The following ZBTB1 variants were observed in gnomAD, a reference collection of about 807,000 sequenced individuals.
ZBTB1 encodes zinc finger and BTB domain-containing protein 1.
ZBTB1 carries 13 observed loss-of-function variants against 51.6 expected under a neutral mutation model. The observed-to-expected ratio is 0.25, with a 90% confidence interval of 0.16 to 0.40. The LOEUF (loss-of-function observed/expected upper bound fraction) is 0.40, where lower values mean the gene tolerates loss of function less well. Among genes scored for constraint, ZBTB1 ranks in the 10% least tolerant of loss-of-function variants. The pLI is 1.00. For missense variants in ZBTB1, 567 were observed against 856.5 expected (o/e 0.66, Z 4.22); for synonymous variants, 240 against 282.2 (o/e 0.85, Z 1.50).
chr14:64,532,218 C>G, exon 3 of ZBTB1: 1 of 200,292 alleles, frequency 5.0e-6, no homozygotes, highest in Non-Finnish European at 1.0e-5. Context: ...TAATTATCTT[C>G]AAGGGTCTTT....
chr14:64,530,463 C>T (rs956351754), intron 2 of ZBTB1, among the ~76,000 whole-genome samples: 5 of 151,888 alleles, frequency 3.3e-5, no homozygotes, highest in East Asian at 1.9e-4. Flanking sequence ...AAAAATTAGC[C>T]GGGAGTGGTG....
At chr14:64,508,196 G>A (rs190526584) in intron 1 of ZBTB1, among the ~76,000 whole-genome samples, 185 of 152,250 alleles carry the variant, frequency 1.2e-3, no homozygotes, top group African/African-American at 4.3e-3. Flanking sequence ...GGACGTGGGT[G>A]GTTTTTATAC....
downstream of ZBTB1, among the ~76,000 whole-genome samples, chr14:64,525,109 T>C (rs531651964): frequency 6.6e-6 from 1 of 152,360 alleles, no homozygotes; most frequent in South Asian, 2.1e-4. Flanking sequence ...AATCATATTT[T>C]GTATACAATT....
chr14:64,504,850 T>C lies in ZBTB1; in HGVS notation c.-115T>C. ...GCCGAGCGCCGCGCGCCGCCGCCAC[T>C]GCAGCTCGCGGCCCCTTCGCCTTCG... is the stretch of plus-strand genomic sequence containing the variant. On this transcript the variant is annotated 5_prime_UTR_variant, in exon 1 of 2. Transcript: ENST00000683701. 5.0e-6 allele frequency: 2 copies of C among 396,272 alleles called. No homozygotes were observed. The highest frequency in any genetic ancestry group is 6.4e-4 in the Middle Eastern group (1 of 1,574). The allele number at this position is 396,272 out of a possible 1,614,324, so 24.5% of individuals were successfully genotyped here.
At chr14:64,506,057 A>G (rs1335830351) in intron 1 of ZBTB1, among the ~76,000 whole-genome samples, 1 of 152,230 alleles carries the variant, frequency 6.6e-6, no homozygotes, top group Non-Finnish European at 1.5e-5. Flanking sequence ...CAGTGCAGAT[A>G]GATATGATGT....
chr14:64,514,436 C>T (rs1439818062), intron 1 of ZBTB1: 2 of 152,180 alleles, frequency 1.3e-5, no homozygotes. Context: ...TTTAAAATTC[C>T]TTTAAGTTAC....
Position 64,524,819 on chromosome 14 carries a change from G to A in ZBTB1, c.*1173G>A, listed in dbSNP as rs2079891720. The A allele has an allele frequency of 1.0e-6, 1 of 982,104 alleles. No individual in the cohort carries two copies. The highest frequency in any genetic ancestry group is 1.2e-6 in the Non-Finnish European group (1 of 827,144). The allele number at this position is 982,104 out of a possible 1,614,324, so 60.8% of individuals were successfully genotyped here. A position where few individuals can be genotyped will look rare whatever the true frequency, so the allele number is the denominator to read the frequency against. On this transcript the variant is annotated 3_prime_UTR_variant, in exon 2 of 2. Coordinates refer to ENST00000683701, the MANE Select transcript of ZBTB1 (RefSeq NM_001123329.2). ...TAAAATAATCACAGAGTATATCAAT[G>A]GAAACAGTTTATCATTTTTTCAGTT...
downstream of ZBTB1, among the ~76,000 whole-genome samples, chr14:64,528,748 C>CGTA (rs1335073213): frequency 6.6e-6 from 1 of 152,174 alleles, no homozygotes; most frequent in African/African-American, 2.4e-5. Flanking sequence ...GCAAAGTGCT[C>CGTA]TACATACATA....
intron 1 of ZBTB1, among the ~76,000 whole-genome samples, chr14:64,517,685 A>G (rs2079800988): frequency 6.8e-6 from 1 of 146,490 alleles, no homozygotes; most frequent in Non-Finnish European, 1.5e-5. Flanking sequence ...TAACATAATT[A>G]TGTATCCTGT....
chr14:64,517,781 A>ATATATTTATTTTTTTT (rs1160337478), intron 1 of ZBTB1, among the ~76,000 whole-genome samples: 1 of 41,550 alleles, frequency 2.4e-5, no homozygotes, highest in Non-Finnish European at 4.6e-5. Context: ...ATATATATAT[A>ATATATTTATTTTTTTT]TTTTTTTTTT....
intron 1 of ZBTB1, among the ~76,000 whole-genome samples, chr14:64,506,331 G>A (rs992856542): frequency 1.3e-5 from 2 of 152,142 alleles, no homozygotes; most frequent in Non-Finnish European, 1.5e-5. Context: ...TCAGGAGTTC[G>A]AGACCAGCCT....
exon 3 of ZBTB1, chr14:64,533,277 A>C (rs2079956692): frequency 6.6e-6 from 1 of 152,296 alleles, no homozygotes; most frequent in South Asian, 2.1e-4. Context: ...AATAAAACAA[A>C]TAAGCCTAGG....
chr14:64,522,353 A>G lies in ZBTB1; in HGVS notation c.849A>G (p.Lys283=), dbSNP rs144629759. Residue 283 remains lysine, a synonymous_variant, in exon 2 of 2, where the codon AAA becomes AAG. Transcript: ENST00000683701. ...AAACATTTTCTGCACAGACGGACAA[A>G]TACAGAGGAGACACAAGCCAGGCTG... ...SSKTFSAQTD[K]YRGDTSQAAD... The G allele has an allele frequency of 2.0e-5, 33 of 1,614,062 alleles. No homozygotes were observed. The highest frequency in any genetic ancestry group is 2.7e-5 in the Non-Finnish European group (32 of 1,180,038).
intron 2 of ZBTB1, among the ~76,000 whole-genome samples, chr14:64,531,004 T>C (rs2079938257): frequency 6.6e-6 from 1 of 152,214 alleles, no homozygotes; most frequent in African/African-American, 2.4e-5. Context: ...GAGTCAGGGA[T>C]ATTAATAATT....
At chr14:64,511,680 C>G (rs148938128) in intron 1 of ZBTB1, among the ~76,000 whole-genome samples, 1 of 152,266 alleles carries the variant, frequency 6.6e-6, no homozygotes, top group Non-Finnish European at 1.5e-5. Flanking sequence ...TGGTGGGCCA[C>G]AGGAGATCAG....
Position 64,521,962 on chromosome 14 carries a change from G to A in ZBTB1, c.458G>A (p.Gly153Asp). The change falls in exon 2 of 2, where the codon GGC (glycine) becomes GAC (aspartate). Residue 153 changes from glycine (G) to aspartate (D), a missense_variant. By Grantham distance (94) the Gly-to-Asp change is moderately conservative. This residue lies in a region of ZBTB1 where 74 missense variants were observed against 74.9 expected (regional missense o/e 0.99). Coordinates refer to ENST00000683701, the MANE Select transcript of ZBTB1 (RefSeq NM_001123329.2). ...TATGAAGATACTGTGGCTCGAAATG[G>A]CAATGAAGCCAACAGGTGGTGTGCA... is the stretch of plus-strand genomic sequence containing the variant. ...RMYEDTVARN[G>D]NEANRWCAEP... The A allele has an allele frequency of 6.2e-7, 1 of 1,614,176 alleles. No individual in the cohort carries two copies. The highest frequency in any genetic ancestry group is 8.5e-7 in the Non-Finnish European group (1 of 1,180,030).
rs2079887521 is a variant in ZBTB1 at position 64,524,424 on chromosome 14, T to C, written c.*778T>C. On this transcript the variant is annotated 3_prime_UTR_variant, in exon 2 of 2. Coordinates refer to ENST00000683701, the MANE Select transcript of ZBTB1 (RefSeq NM_001123329.2). ...TATGATAGTTAATTAAAAAGACATATCTTGTATTCATTAAAAATATTTTAA... is the reference window on the plus strand; with the variant it reads ...TATGATAGTTAATTAAAAAGACATACCTTGTATTCATTAAAAATATTTTAA... 2 of 776,344 alleles carry C rather than the reference T, an allele frequency of 2.6e-6. No homozygotes were observed. Among genetic ancestry groups the C allele is most frequent in the Non-Finnish European group, 3.1e-6 (2 of 639,490 alleles). The allele number at this position is 776,344 out of a possible 1,614,324, so 48.1% of individuals were successfully genotyped here. A position where few individuals can be genotyped will look rare whatever the true frequency, so the allele number is the denominator to read the frequency against.
chr14:64,510,820 A>G (rs1177616586), intron 1 of ZBTB1, among the ~76,000 whole-genome samples: 1 of 152,230 alleles, frequency 6.6e-6, no homozygotes, highest in Non-Finnish European at 1.5e-5. Context: ...ATCATCTTCA[A>G]AACAGCATTG....
At position 64,523,116 on chromosome 14, in the gene ZBTB1, A is replaced by G; in HGVS notation, c.1612A>G (p.Asn538Asp). 1 of 1,614,196 alleles carries G rather than the reference A, an allele frequency of 6.2e-7. No homozygotes were observed. The highest frequency in any genetic ancestry group is 8.5e-7 in the Non-Finnish European group (1 of 1,180,032). Residue 538 changes from asparagine to aspartate, a missense_variant, in exon 2 of 2, where the codon AAT (asparagine) becomes GAT (aspartate). Physicochemically the swap from Asn to Asp is conservative, Grantham distance 23. Coordinates refer to ENST00000683701, the MANE Select transcript of ZBTB1 (RefSeq NM_001123329.2). This position sits in a 1 kb window ranked among gnomAD's most constrained non-coding sequence, Gnocchi z 4.5. ...KHSACPFRCPNCGQRFETENL... is the reference protein window; with the variant it reads ...KHSACPFRCPDCGQRFETENL... Reference sequence around the variant, plus strand: ...TTCTGCCTGCCCTTTTCGATGTCCTAATTGTGGCCAGCGTTTTGAAACTGA... The same window carrying G: ...TTCTGCCTGCCCTTTTCGATGTCCTGATTGTGGCCAGCGTTTTGAAACTGA...
Sources: gnomAD v4.1 joint callset for allele counts (sites outside exome capture counted in the v4.1 genomes callset) on GRCh38, gnomAD v4.1.1 for gene constraint, gnomAD v4.1.1 regional missense constraint, Gnocchi (gnomAD v3.1) non-coding constraint, MANE v1.5 for transcripts, NCBI Gene and HGNC (gene_info 2026-07-23, HGNC 2026-07-21) for gene names.